LRP1B: variants seen among roughly 807,000 people sequenced by gnomAD.
LRP1B encodes the protein low-density lipoprotein receptor-related protein 1B.
Under a neutral mutation model 556.6 loss-of-function variants are expected in LRP1B, and 217 were observed. The ratio of observed to expected loss-of-function variants is 0.39; its 90% CI spans 0.35 to 0.44. The LOEUF (loss-of-function observed/expected upper bound fraction) is 0.44, where lower values mean the gene tolerates loss of function less well. Among genes scored for constraint, LRP1B ranks in the 20% least tolerant of loss-of-function variants. The pLI, the probability that LRP1B is intolerant of heterozygous loss-of-function variation, is 1.00. For missense variants in LRP1B, 5,053 were observed against 5,620.8 expected, an observed-to-expected ratio of 0.90 and a Z score of 3.23; for synonymous variants, 2,047 against 1,865.8, an observed-to-expected ratio of 1.10 and a Z score of -2.50.
At chr2:140,629,500 AATGCTAT>A (rs113369586) in intron 41 of LRP1B, among the ~76,000 whole-genome samples, 16,244 of 152,200 alleles carry the variant, frequency 0.11, 1,134 homozygotes, top group East Asian at 0.18. Context: ...TCAAATGTCA[AATGCTAT>A]GATTTTTGTA....
chr2:141,063,939 A>G (rs529948760), intron 7 of LRP1B, among the ~76,000 whole-genome samples: 1 of 151,914 alleles, frequency 6.6e-6, no homozygotes, highest in Non-Finnish European at 1.5e-5. Flanking sequence ...TTTAGATAGC[A>G]TTATGAAGCA....
chr2:140,785,029 A>G (rs1051300498), intron 32 of LRP1B, among the ~76,000 whole-genome samples: 1 of 152,150 alleles, frequency 6.6e-6, no homozygotes, highest in African/African-American at 2.4e-5. Flanking sequence ...AAATGCCAGA[A>G]TAAAGAGAGA....
chr2:141,897,659 C>T (rs1699494652), intron 1 of LRP1B, among the ~76,000 whole-genome samples: 1 of 152,072 alleles, frequency 6.6e-6, no homozygotes, highest in African/African-American at 2.4e-5. Context: ...TATCAAAGTG[C>T]CATTAGGAAG....
chr2:141,020,204 G>T, intron 11 of LRP1B, 102 bp from the exon 12 acceptor site: 1 of 647,584 alleles, frequency 1.5e-6, no homozygotes, highest in Non-Finnish European at 2.4e-6. Flanking sequence ...GTTCAAAAAG[G>T]AAAGAACTCT....
rs116083973 is a variant in LRP1B, at chr2:141,107,338, T to C, written c.1014-45065A>G. Among the ~76,000 whole-genome samples, 1,195 of 152,120 alleles carry C rather than the reference T, an allele frequency of 7.9e-3. 12 individuals carry two copies. The highest frequency in any genetic ancestry group is 0.028 in the African/African-American group (1,144 of 41,506). ...TTAGTATCCATCTTTGAAAGATAAA[T>C]TAAAAAAAACTTGGAAGACTATATT... On this transcript the variant is annotated intron_variant, in intron 7 of 90. Transcript: ENST00000389484.
intron 14 of LRP1B, among the ~76,000 whole-genome samples, chr2:141,012,189 G>A (rs1052867019): frequency 8.6e-5 from 13 of 151,952 alleles, no homozygotes; most frequent in African/African-American, 3.1e-4. Flanking sequence ...ACTCACTAAA[G>A]CAACTGGAAG....
rs747777270 is a variant in LRP1B at position 141,697,003 on chromosome 2, T to C, written c.205+113276A>G. On this transcript the variant is annotated intron_variant, in intron 2 of 90. Transcript: ENST00000389484. ...CTGTCCTTATAAAAAATAAGATAGG[T>C]CAGTTTTCTTAATTTTAAGGGCAGT... 6.7e-4 allele frequency among the ~76,000 whole-genome samples: 102 copies of C among 152,054 alleles called. 1 individual carries two copies. Among genetic ancestry groups the C allele is most frequent in the Non-Finnish European group, 9.6e-4 (65 of 67,916 alleles).
chr2:141,318,768 A>G (rs10195359), intron 3 of LRP1B, among the ~76,000 whole-genome samples: 84,743 of 151,978 alleles, frequency 0.56, 24,944 homozygotes, highest in Middle Eastern at 0.68. Context: ...CACCATCTTT[A>G]TCTGCTGAGA....
intron 1 of LRP1B, among the ~76,000 whole-genome samples, chr2:142,092,418 C>T (rs1288263019): frequency 2.0e-5 from 3 of 151,934 alleles, no homozygotes; most frequent in Non-Finnish European, 4.4e-5. Flanking sequence ...ATGATAATTC[C>T]TCAAGAACAT....
intron 5 of LRP1B, 108 bp downstream of exon 5, chr2:141,247,118 C>G: frequency 8.0e-7 from 1 of 1,251,352 alleles, no homozygotes; most frequent in Non-Finnish European, 1.1e-6. Flanking sequence ...AAGCAAATCT[C>G]TCTCTTCAAA....
intron 66 of LRP1B, among the ~76,000 whole-genome samples, chr2:140,414,124 C>T (rs1685079473): frequency 6.6e-6 from 1 of 152,074 alleles, no homozygotes; most frequent in Non-Finnish European, 1.5e-5. Context: ...CTATGTTGCC[C>T]AGACTGGTCT....
At chr2:140,358,242 C>A in intron 73 of LRP1B, 126 bp from the exon 74 acceptor site, 1 of 797,302 alleles carries the variant, frequency 1.3e-6, no homozygotes, top group Middle Eastern at 4.1e-4. Context: ...TTATCTGAAG[C>A]TCTCAAGGCC....
chr2:140,953,532 A>G (rs1695783093), intron 18 of LRP1B, among the ~76,000 whole-genome samples: 1 of 152,188 alleles, frequency 6.6e-6, no homozygotes, highest in South Asian at 2.1e-4. Flanking sequence ...AAATATTTGT[A>G]AATATTTTCA....
chr2:140,877,972 G>A (rs1693361674), intron 25 of LRP1B, among the ~76,000 whole-genome samples: 1 of 152,078 alleles, frequency 6.6e-6, no homozygotes. Flanking sequence ...CTATGTATAT[G>A]GCTTTAATTT....
intron 21 of LRP1B, among the ~76,000 whole-genome samples, chr2:140,911,411 T>C (rs1047550468): frequency 6.6e-6 from 1 of 151,764 alleles, no homozygotes; most frequent in Non-Finnish European, 1.5e-5. Flanking sequence ...ATTTTTCTTC[T>C]ACCGTATACT....
intron 2 of LRP1B, among the ~76,000 whole-genome samples, chr2:141,552,790 C>A (rs62169793): frequency 0.021 from 3,181 of 151,916 alleles, 94 homozygotes; most frequent in East Asian, 0.13. Flanking sequence ...AAAAAAAATT[C>A]TACTGGGATT....
intron 2 of LRP1B, among the ~76,000 whole-genome samples, chr2:141,605,246 T>C (rs1419180054): frequency 1.3e-5 from 2 of 151,908 alleles, no homozygotes; most frequent in African/African-American, 4.8e-5. Context: ...TTTTAAAGGG[T>C]ATAAAAAACA....
chr2:141,609,565 T>A (rs934295934), intron 2 of LRP1B, among the ~76,000 whole-genome samples: 1 of 152,234 alleles, frequency 6.6e-6, no homozygotes, highest in South Asian at 2.1e-4. Flanking sequence ...CTTAATTGTA[T>A]GCTTATATTA....
intron 41 of LRP1B, among the ~76,000 whole-genome samples, chr2:140,661,983 T>G (rs1257866569): frequency 6.6e-6 from 1 of 152,112 alleles, no homozygotes; most frequent in African/African-American, 2.4e-5. Flanking sequence ...CTGAATTCTC[T>G]CTTTTATCAT....
Sources: allele counts gnomAD v4.1 joint callset (sites outside exome capture counted in the v4.1 genomes callset), GRCh38; gene constraint gnomAD v4.1.1; transcripts MANE v1.5; gene names NCBI Gene and HGNC (gene_info 2026-07-23, HGNC 2026-07-21).